CNTN5: variants seen among roughly 807,000 people sequenced by gnomAD.
The protein encoded by CNTN5 is contactin 5.
Under a neutral mutation model 129.1 loss-of-function variants are expected in CNTN5, and 77 were observed. The observed-to-expected ratio is 0.60, with a 90% confidence interval of 0.50 to 0.72. The LOEUF (loss-of-function observed/expected upper bound fraction) is 0.72, where lower values mean the gene tolerates loss of function less well. CNTN5 is among the 30% of genes least tolerant of loss of function. The pLI, the probability that CNTN5 is intolerant of heterozygous loss-of-function variation, is 0.00. For missense variants in CNTN5, 1,478 were observed against 1,328.8 expected, an observed-to-expected ratio of 1.11 and a Z score of -1.75; for synonymous variants, 509 against 465.6, an observed-to-expected ratio of 1.09 and a Z score of -1.20.
chr11:100,098,291 A>G (rs1278579305), intron 13 of CNTN5, among the ~76,000 whole-genome samples: 4 of 152,104 alleles, frequency 2.6e-5, no homozygotes, highest in Non-Finnish European at 5.9e-5. Flanking sequence ...TTGTATTCAA[A>G]GATAAGAAAG....
Position 100,052,135 on chromosome 11 carries a change from A to G in CNTN5, c.981-9077A>G, listed in dbSNP as rs182207393. On this transcript the variant is annotated intron_variant, in intron 9 of 24. Coordinates refer to ENST00000524871, the MANE Select transcript of CNTN5 (RefSeq NM_014361.4). ...GAATGGGATAAAAGAAAATAATCTTACATCATCTTAGTAAATACAGAAAAT... is the reference window on the plus strand; with the variant it reads ...GAATGGGATAAAAGAAAATAATCTTGCATCATCTTAGTAAATACAGAAAAT... Among the ~76,000 whole-genome samples the G allele has an allele frequency of 1.7e-3, 262 of 152,062 alleles. 1 individual carries two copies. Among genetic ancestry groups the G allele is most frequent in the Non-Finnish European group, 3.1e-3 (209 of 67,830 alleles).
intron 6 of CNTN5, among the ~76,000 whole-genome samples, chr11:99,891,585 G>A (rs1949060866): frequency 6.6e-6 from 1 of 152,044 alleles, no homozygotes; most frequent in Non-Finnish European, 1.5e-5. Context: ...GCAGTGTTTG[G>A]TTTTCTGTTC....
At chr11:99,183,362 T>C (rs545275577) in intron 1 of CNTN5, among the ~76,000 whole-genome samples, 1 of 152,278 alleles carries the variant, frequency 6.6e-6, no homozygotes, top group East Asian at 1.9e-4. Flanking sequence ...AGATAGAAGT[T>C]ATTCCTCTAA....
intron 9 of CNTN5, among the ~76,000 whole-genome samples, chr11:100,046,086 A>G (rs569322493): frequency 1.3e-4 from 18 of 142,102 alleles, no homozygotes; most frequent in African/African-American, 4.4e-4. Context: ...GAATTGAACA[A>G]TGAGAACACA....
chr11:99,738,423 G>A (rs1429135509), intron 3 of CNTN5, among the ~76,000 whole-genome samples: 1 of 152,136 alleles, frequency 6.6e-6, no homozygotes, highest in Non-Finnish European at 1.5e-5. Context: ...CCAGTCTGTG[G>A]TATTTGGCTA....
At chr11:99,634,644 A>G (rs539416678) in intron 3 of CNTN5, among the ~76,000 whole-genome samples, 2 of 152,194 alleles carry the variant, frequency 1.3e-5, no homozygotes, top group Non-Finnish European at 2.9e-5. Flanking sequence ...TCTATACACT[A>G]CTCCTCAGAT....
chr11:100,106,313 C>A (rs1316869048), intron 13 of CNTN5, among the ~76,000 whole-genome samples: 1 of 152,094 alleles, frequency 6.6e-6, no homozygotes, highest in Non-Finnish European at 1.5e-5. Context: ...CATTCTTAAC[C>A]GGCATATGAT....
At chr11:99,128,592 A>C (rs567314215) in intron 1 of CNTN5, among the ~76,000 whole-genome samples, 1 of 152,336 alleles carries the variant, frequency 6.6e-6, no homozygotes, top group African/African-American at 2.4e-5. Flanking sequence ...GGACTCCCCC[A>C]GCACAGCACA....
At chr11:99,765,465 TAATC>T (rs1353470637) in intron 3 of CNTN5, among the ~76,000 whole-genome samples, 1 of 151,900 alleles carries the variant, frequency 6.6e-6, no homozygotes, top group Non-Finnish European at 1.5e-5. Context: ...TTTCATAAGT[TAATC>T]AGGCTAATCT....
At chr11:99,279,788 A>G (rs1336905722) in intron 1 of CNTN5, among the ~76,000 whole-genome samples, 1 of 151,652 alleles carries the variant, frequency 6.6e-6, no homozygotes, top group Non-Finnish European at 1.5e-5. Context: ...ATATTGTGCA[A>G]TTTTGTGAGG....
intron 13 of CNTN5, among the ~76,000 whole-genome samples, chr11:100,167,526 T>G (rs1212148269): frequency 6.6e-6 from 1 of 151,832 alleles, no homozygotes; most frequent in Non-Finnish European, 1.5e-5. Context: ...TATTTGAGCT[T>G]TTAATATAAT....
intron 1 of CNTN5, among the ~76,000 whole-genome samples, chr11:99,249,858 G>A (rs1209134160): frequency 6.6e-6 from 1 of 151,912 alleles, no homozygotes; most frequent in Non-Finnish European, 1.5e-5. Context: ...AGTATTAACT[G>A]TAGCTCCATA....
rs548359946 is a variant in CNTN5, at chr11:99,382,942, C to T, written c.-71+57458C>T. Among the ~76,000 whole-genome samples the T allele has an allele frequency of 1.9e-3, 273 of 144,088 alleles. 1 individual carries two copies. Among genetic ancestry groups the T allele is most frequent in the African/African-American group, 6.8e-3 (259 of 38,250 alleles). The allele number at this position is 144,088 out of a possible 152,430, so 94.5% of individuals were successfully genotyped here. A position where few individuals can be genotyped will look rare whatever the true frequency, so the allele number is the denominator to read the frequency against. ...CCTGATCTCGGCTCACTGCAACCTCCGCCTCCCAGGTTCAAACAATTCTCC... is the reference window on the plus strand; with the variant it reads ...CCTGATCTCGGCTCACTGCAACCTCTGCCTCCCAGGTTCAAACAATTCTCC... On this transcript the variant is annotated intron_variant, in intron 2 of 24. Transcript: ENST00000524871.
At chr11:99,807,453 T>A (rs1276351461) in intron 3 of CNTN5, among the ~76,000 whole-genome samples, 1 of 152,150 alleles carries the variant, frequency 6.6e-6, no homozygotes, top group Admixed American at 6.6e-5. Flanking sequence ...ATAATTGAAA[T>A]ATATAATTAA....
intron 8 of CNTN5, among the ~76,000 whole-genome samples, chr11:99,966,897 A>G (rs1432241411): frequency 2.0e-5 from 3 of 152,108 alleles, no homozygotes; most frequent in African/African-American, 7.2e-5. Context: ...TATCTGTGGT[A>G]GGGAGGGGCT....
At position 99,274,946 on chromosome 11, in the gene CNTN5, A is replaced by G. The variant is rs17133365; in HGVS notation, c.-209-50400A>G. ...CACAATAACTTAAAAATAAATTACA[A>G]CACATCAAAATAGTATTGATAGTTT... On this transcript the variant is annotated intron_variant, in intron 1 of 24. Coordinates refer to ENST00000524871, the MANE Select transcript of CNTN5 (RefSeq NM_014361.4). 6.8e-3 allele frequency among the ~76,000 whole-genome samples: 1,029 copies of G among 151,624 alleles called. 11 individuals are homozygous for G. Among genetic ancestry groups the G allele is most frequent in the African/African-American group, 0.023 (962 of 41,434 alleles).
At chr11:100,113,964 G>T (rs1177432318) in intron 13 of CNTN5, among the ~76,000 whole-genome samples, 1 of 152,024 alleles carries the variant, frequency 6.6e-6, no homozygotes. Flanking sequence ...TTTTCAAGTA[G>T]AGCCATTTGA....
chr11:100,236,235 G>A (rs1469515610), intron 16 of CNTN5, among the ~76,000 whole-genome samples: 1 of 152,088 alleles, frequency 6.6e-6, no homozygotes, highest in African/African-American at 2.4e-5. Context: ...CCTTCTTTAA[G>A]CACTCACTCA....
intron 2 of CNTN5, among the ~76,000 whole-genome samples, chr11:99,443,105 GA>G (rs1362035003): frequency 6.6e-6 from 1 of 151,918 alleles, no homozygotes; most frequent in South Asian, 2.1e-4. Context: ...CTTTGAAAAT[GA>G]AAAAAATAAA....
Sources: gnomAD v4.1 joint callset for allele counts (sites outside exome capture counted in the v4.1 genomes callset) on GRCh38, gnomAD v4.1.1 for gene constraint, MANE v1.5 for transcripts, NCBI Gene and HGNC (gene_info 2026-07-23, HGNC 2026-07-21) for gene names.